The following IDH2 variants were observed in gnomAD, a reference collection of about 807,000 sequenced individuals.
IDH2 encodes isocitrate dehydrogenase [NADP], mitochondrial.
A neutral mutation model predicts 50.5 loss-of-function variants in IDH2; 18 were observed. The observed-to-expected ratio is 0.36, with a 90% CI of 0.25 to 0.53. IDH2 has a LOEUF of 0.53. Among genes scored for constraint, IDH2 ranks in the 20% least tolerant of loss-of-function variants. The pLI, the probability that IDH2 is intolerant of heterozygous loss-of-function variation, is 0.92. For missense variants in IDH2, 518 were observed against 610.7 expected, an observed-to-expected ratio of 0.85 and a Z score of 1.60; for synonymous variants, 280 against 239.8, an observed-to-expected ratio of 1.17 and a Z score of -1.55.
rs1035556122 is a variant in IDH2 at position 90,100,526 on chromosome 15, C to T, written c.115+1750G>A. The T allele has an allele frequency of 1.1e-5, 6 of 556,156 alleles. No homozygotes were observed. The highest frequency in any genetic ancestry group is 1.1e-5 in the Non-Finnish European group (5 of 437,712). The allele number at this position is 556,156 out of a possible 1,614,324, so 34.5% of individuals were successfully genotyped here. A position where few individuals can be genotyped will look rare whatever the true frequency, so the allele number is the denominator to read the frequency against. On this transcript the variant is annotated intron_variant, in intron 1 of 10. Coordinates refer to ENST00000330062, the MANE Select transcript of IDH2 (RefSeq NM_002168.4). The surrounding 1 kb of genome is among the most constrained non-coding windows in gnomAD (Gnocchi z 4.1). ...AGGAAGGCTAGATAAGTAATTCTGCCACTGAGCCGTTCACAGAACTGGTCC... is the reference window on the plus strand; with the variant it reads ...AGGAAGGCTAGATAAGTAATTCTGCTACTGAGCCGTTCACAGAACTGGTCC...
rs1276355259 is a variant in IDH2, at chr15:90,085,202, C to T, written c.1080+73G>A. 1.3e-6 allele frequency: 2 copies of T among 1,531,144 alleles called. No individual in the cohort carries two copies. The highest frequency in any genetic ancestry group is 4.6e-5 in the East Asian group (2 of 43,358). The allele number at this position is 1,531,144 out of a possible 1,614,324, so 94.8% of individuals were successfully genotyped here. A position where few individuals can be genotyped will look rare whatever the true frequency, so the allele number is the denominator to read the frequency against. On this transcript the variant is annotated intron_variant, in intron 8 of 10. Transcript: ENST00000330062. The surrounding 1 kb of genome is among the most constrained non-coding windows in gnomAD (Gnocchi z 5.5). ...GGGCTGGTGGGTCAGGCTCGTCCTT[C>T]CAGCCCTCAGCCCAGTGGGCTTTAG...
rs1900799477 is a variant in IDH2, at chr15:90,084,314, G to A, written c.1311C>T (p.Phe437=). The A allele has an allele frequency of 1.9e-6, 3 of 1,613,996 alleles. No individual in the cohort carries two copies. Among genetic ancestry groups the A allele is most frequent in the Non-Finnish European group, 2.5e-6 (3 of 1,180,022 alleles). ...LNEHFLNTTD[F]LDTIKSNLDR... ...CCAGGTTGCTCTTGATGGTGTCGAG[G>A]AAGTCCGTGGTGTTCAGGAAGTGCT... The change falls in exon 11 of 11, where the codon TTC becomes TTT. Residue 437 remains phenylalanine (F), a synonymous_variant. Transcript: ENST00000330062. The surrounding 1 kb of genome is among the most constrained non-coding windows in gnomAD (Gnocchi z 5.0).
At chr15:90,097,191 T>C (rs1244609723) in intron 1 of IDH2, among the ~76,000 whole-genome samples, 1 of 152,230 alleles carries the variant, frequency 6.6e-6, no homozygotes, top group African/African-American at 2.4e-5. Context: ...CAGTCAACCA[T>C]AGTCTGAAAA....
chr15:90,100,633 C>A lies in IDH2; in HGVS notation c.115+1643G>T. 5.1e-6 allele frequency: 5 copies of A among 985,392 alleles called. No individual in the cohort carries two copies. Among genetic ancestry groups the A allele is most frequent in the Non-Finnish European group, 6.0e-6 (5 of 829,898 alleles). 61.0% of individuals were successfully genotyped at this position (985,392 alleles called of 1,614,324 possible). On this transcript the variant is annotated intron_variant, in intron 1 of 10. Coordinates refer to ENST00000330062, the MANE Select transcript of IDH2 (RefSeq NM_002168.4). This position sits in a 1 kb window ranked among gnomAD's most constrained non-coding sequence, Gnocchi z 4.1. ...TGGCGTTGCAAAATAGGAAAAGATG[C>A]GTGCAGGAATTACCAGGCAGCAAAG...
Position 90,084,203 on chromosome 15 carries a change from G to A in IDH2, c.*63C>T, listed in dbSNP as rs577520416. 2,279 of 1,380,430 alleles carry A rather than the reference G, an allele frequency of 1.7e-3. 5 individuals are homozygous for A. The highest frequency in any genetic ancestry group is 2.0e-3 in the Non-Finnish European group (2,001 of 978,224). The allele number at this position is 1,380,430 out of a possible 1,614,324, so 85.5% of individuals were successfully genotyped here. A position where few individuals can be genotyped will look rare whatever the true frequency, so the allele number is the denominator to read the frequency against. On this transcript the variant is annotated 3_prime_UTR_variant, in exon 11 of 11. Coordinates refer to ENST00000330062, the MANE Select transcript of IDH2 (RefSeq NM_002168.4). This position sits in a 1 kb window ranked among gnomAD's most constrained non-coding sequence, Gnocchi z 5.0. Reference sequence around the variant, plus strand: ...GGCTGTGAGGCTCACCCTCTGCCGCGCTCAGGAGGACCCGCCGGCTCAGCC... The same window carrying A: ...GGCTGTGAGGCTCACCCTCTGCCGCACTCAGGAGGACCCGCCGGCTCAGCC...
chr15:90,094,403 A>G (rs1901127797), intron 1 of IDH2, among the ~76,000 whole-genome samples: 1 of 152,338 alleles, frequency 6.6e-6, no homozygotes, highest in South Asian at 2.1e-4. Context: ...AGCAGGGAAC[A>G]AGATCTAATA....
rs2151558066 is a variant in IDH2, at chr15:90,102,356, C to T, written c.35G>A (p.Cys12Tyr). The T allele has an allele frequency of 2.2e-6, 3 of 1,368,472 alleles. No individual in the cohort carries two copies. The highest frequency in any genetic ancestry group is 2.9e-6 in the Non-Finnish European group (3 of 1,050,188). The allele number at this position is 1,368,472 out of a possible 1,614,324, so 84.8% of individuals were successfully genotyped here. ...AGYLRVVRSL[C>Y]RASGSRPAWA... is the part of the protein sequence containing the mutation. Reference sequence around the variant, plus strand: ...GGCCGGCCGCGAGCCTGAGGCTCTGCAGAGCGAGCGCACGACCCGCAGGTA... The same window carrying T: ...GGCCGGCCGCGAGCCTGAGGCTCTGTAGAGCGAGCGCACGACCCGCAGGTA... The change falls in exon 1 of 11, where the codon TGC becomes TAC. Residue 12 changes from cysteine to tyrosine, a missense_variant. By Grantham distance (194) the Cys-to-Tyr change is radical. Around this residue, in one of 5 missense-constraint regions of IDH2, gnomAD observed 85 missense variants for 66.9 expected, o/e 1.27. Coordinates refer to ENST00000330062, the MANE Select transcript of IDH2 (RefSeq NM_002168.4).
chr15:90,086,601 G>A (rs1040752452), intron 7 of IDH2, among the ~76,000 whole-genome samples: 1 of 151,928 alleles, frequency 6.6e-6, no homozygotes, highest in Non-Finnish European at 1.5e-5. Context: ...TAGAGACGGG[G>A]TTTCGTCATG....
intron 1 of IDH2, among the ~76,000 whole-genome samples, chr15:90,093,340 T>G (rs932432639): frequency 6.6e-6 from 1 of 152,232 alleles, no homozygotes; most frequent in African/African-American, 2.4e-5. Context: ...GTCCAAGACT[T>G]AGTTCTTTAT....
At position 90,098,563 on chromosome 15, in the gene IDH2, G is replaced by GCATGTATGTATGT. The variant is rs34365380; in HGVS notation, c.115+3712_115+3713insACATACATACATG. Among the ~76,000 whole-genome samples, 6 of 56,682 alleles carry GCATGTATGTATGT rather than the reference G, an allele frequency of 1.1e-4. No homozygotes were observed. The highest frequency in any genetic ancestry group is 4.0e-4 in the Admixed American group (2 of 5,004). 37.2% of individuals were successfully genotyped at this position (56,682 alleles called of 152,430 possible). A position where few individuals can be genotyped will look rare whatever the true frequency, so the allele number is the denominator to read the frequency against. On this transcript the variant is annotated intron_variant, in intron 1 of 10. Coordinates refer to ENST00000330062, the MANE Select transcript of IDH2 (RefSeq NM_002168.4). The surrounding 1 kb of genome is among the most constrained non-coding windows in gnomAD (Gnocchi z 5.1). Reference sequence around the variant, plus strand: ...GTATGTATGTATGTATGTATGTATTGAGACAGAGTCTCACTCTGTCGCCTA... The same window carrying GCATGTATGTATGT: ...GTATGTATGTATGTATGTATGTATTGCATGTATGTATGTAGACAGAGTCTCACTCTGTCGCCTA...
intron 2 of IDH2, 106 bp downstream of exon 2, chr15:90,091,447 G>T: frequency 1.3e-6 from 1 of 781,358 alleles, no homozygotes; most frequent in Non-Finnish European, 2.2e-6. Context: ...TGCCTACCAG[G>T]ACAACGGGGG....
In IDH2 at chr15:90,085,080, T is replaced by G; in HGVS notation, c.1099A>C (p.Asn367His). Reference protein sequence around the residue: ...EHQKGRPTSTNPIASIFAWTR... With the variant: ...EHQKGRPTSTHPIASIFAWTR... ...CAGGCAAAGATGCTGGCGATGGGGTTGGTGCTGGTGGGCCGGCCCTGGGGA... is the reference window on the plus strand; with the variant it reads ...CAGGCAAAGATGCTGGCGATGGGGTGGGTGCTGGTGGGCCGGCCCTGGGGA... Residue 367 changes from asparagine (N) to histidine (H), a missense_variant, in exon 9 of 11, where the codon AAC (asparagine) becomes CAC (histidine). Asn to His is a moderately conservative substitution (Grantham distance 68). Transcript: ENST00000330062. The surrounding 1 kb of genome is among the most constrained non-coding windows in gnomAD (Gnocchi z 5.5). 1 of 1,613,824 alleles carries G rather than the reference T, an allele frequency of 6.2e-7. No individual in the cohort carries two copies. The highest frequency in any genetic ancestry group is 8.5e-7 in the Non-Finnish European group (1 of 1,179,962).
rs1900802738 is a variant in IDH2, at chr15:90,084,389, C to T, written c.1272-36G>A. On this transcript the variant is annotated intron_variant, in intron 10 of 10. Transcript: ENST00000330062. This position sits in a 1 kb window ranked among gnomAD's most constrained non-coding sequence, Gnocchi z 5.0. ...AGCACCACTCACATCAGGGGTGGCTCCAGGCCTTGCCAAGGCCATCAGCCA... is the reference window on the plus strand; with the variant it reads ...AGCACCACTCACATCAGGGGTGGCTTCAGGCCTTGCCAAGGCCATCAGCCA... 2 of 1,583,064 alleles carry T rather than the reference C, an allele frequency of 1.3e-6. No homozygotes were observed. Among genetic ancestry groups the T allele is most frequent in the Non-Finnish European group, 1.7e-6 (2 of 1,156,916 alleles).
Position 90,084,795 on chromosome 15 carries a change from C to A in IDH2, c.1271+21G>T. 6.2e-7 allele frequency: 1 copy of A among 1,603,726 alleles called. No homozygotes were observed. The highest frequency in any genetic ancestry group is 8.5e-7 in the Non-Finnish European group (1 of 1,171,862). On this transcript the variant is annotated intron_variant, in intron 10 of 10. Transcript: ENST00000330062. This position sits in a 1 kb window ranked among gnomAD's most constrained non-coding sequence, Gnocchi z 5.0. The stretch of plus-strand genomic sequence containing the variant: ...CCTCCCACATGGCCCCAGGGTCTGC[C>A]TACCACCCCAGGCCACGCACTTGCT...
chr15:90,094,450 G>A (rs1290626576), intron 1 of IDH2, among the ~76,000 whole-genome samples: 1 of 152,224 alleles, frequency 6.6e-6, no homozygotes, highest in East Asian at 1.9e-4. Flanking sequence ...CAGCTCAGCT[G>A]AGAGCTGTGC....
At chr15:90,087,959 G>A (rs974452940) in intron 5 of IDH2, among the ~76,000 whole-genome samples, 3 of 152,052 alleles carry the variant, frequency 2.0e-5, no homozygotes, top group Admixed American at 6.6e-5. Context: ...CAGGGCCTCT[G>A]TGATTGGCTC....
In IDH2 at chr15:90,085,101, G is replaced by A. The variant is rs1425884416; in HGVS notation, c.1081-3C>T. ...GGGTTGGTGCTGGTGGGCCGGCCCT[G>A]GGGACGGGGGTTGCAGGGAGATCAA... On this transcript the variant is annotated splice_polypyrimidine_tract_variant and splice_region_variant and intron_variant, in intron 8 of 10. Coordinates refer to ENST00000330062, the MANE Select transcript of IDH2 (RefSeq NM_002168.4). The surrounding 1 kb of genome is among the most constrained non-coding windows in gnomAD (Gnocchi z 5.5). 6.2e-7 allele frequency: 1 copy of A among 1,613,172 alleles called. No individual in the cohort carries two copies.
chr15:90,100,752 T>C lies in IDH2; in HGVS notation c.115+1524A>G. ...CCAGCTGCGTTGCCAGGTAACAAGC[T>C]GGCAGAGTCGCAACTGTAGAGTCTG... On this transcript the variant is annotated intron_variant, in intron 1 of 10. Transcript: ENST00000330062. The surrounding 1 kb of genome is among the most constrained non-coding windows in gnomAD (Gnocchi z 4.1). The C allele has an allele frequency of 1.5e-6, 1 of 649,068 alleles. No homozygotes were observed. The highest frequency in any genetic ancestry group is 1.9e-6 in the Non-Finnish European group (1 of 522,586). The allele number at this position is 649,068 out of a possible 1,614,324, so 40.2% of individuals were successfully genotyped here.
chr15:90,085,395 G>A lies in IDH2; in HGVS notation c.968-8C>T, dbSNP rs758449799. On this transcript the variant is annotated splice_region_variant and splice_polypyrimidine_tract_variant and intron_variant, in intron 7 of 10. Transcript: ENST00000330062. This position sits in a 1 kb window ranked among gnomAD's most constrained non-coding sequence, Gnocchi z 5.5. Reference sequence around the variant, plus strand: ...GGCCAAGGGAGCCAAAGCCTGGAGGGTAGAAAGCCTTTCTCTCAGGGCCTC... The same window carrying A: ...GGCCAAGGGAGCCAAAGCCTGGAGGATAGAAAGCCTTTCTCTCAGGGCCTC... The A allele has an allele frequency of 1.9e-5, 30 of 1,547,348 alleles. No homozygotes were observed. Among genetic ancestry groups the A allele is most frequent in the Non-Finnish European group, 2.5e-5 (28 of 1,142,450 alleles).
Sources: gnomAD v4.1 joint callset for allele counts (sites outside exome capture counted in the v4.1 genomes callset) on GRCh38, gnomAD v4.1.1 for gene constraint, gnomAD v4.1.1 regional missense constraint, Gnocchi (gnomAD v3.1) non-coding constraint, MANE v1.5 for transcripts, NCBI Gene and HGNC (gene_info 2026-07-23, HGNC 2026-07-21) for gene names.